STAG1: variants seen among roughly 807,000 people sequenced by gnomAD.
STAG1 encodes the protein cohesin subunit SA-1.
STAG1 carries 26 observed loss-of-function variants against 170.9 expected under a neutral mutation model. The ratio of observed to expected loss-of-function variants is 0.15; its 90% CI spans 0.11 to 0.21. The LOEUF (loss-of-function observed/expected upper bound fraction) is 0.21, where lower values mean the gene tolerates loss of function less well. Ranked by LOEUF, STAG1 falls within the 10% of genes least tolerant of loss-of-function variation. The probability of loss-of-function intolerance (pLI) is 1.00; values close to 1 mark genes in which losing one functional copy is unlikely to be tolerated. For synonymous variants in STAG1, 514 were observed against 497.7 expected, an observed-to-expected ratio of 1.03 and a Z score of -0.44; for missense variants, 964 against 1,509.5, an observed-to-expected ratio of 0.64 and a Z score of 5.99.
At chr3:136,726,804 CCTAA>C (rs1933714317) in intron 1 of STAG1, among the ~76,000 whole-genome samples, 1 of 152,134 alleles carries the variant, frequency 6.6e-6, no homozygotes, top group East Asian at 1.9e-4. Context: ...ATCTATGAGT[CCTAA>C]CTATCCCAAA....
At chr3:136,516,855 T>C (rs1934404774) in intron 7 of STAG1, among the ~76,000 whole-genome samples, 1 of 152,146 alleles carries the variant, frequency 6.6e-6, no homozygotes, top group South Asian at 2.1e-4. Context: ...TTGTCCAAGG[T>C]TATCCAACTA....
At chr3:136,361,187 C>T (rs1936850850) in intron 26 of STAG1, among the ~76,000 whole-genome samples, 1 of 152,152 alleles carries the variant, frequency 6.6e-6, no homozygotes, top group African/African-American at 2.4e-5. Context: ...AGACATATTA[C>T]TTTTACAGCT....
chr3:136,507,841 C>A (rs1258496018), intron 7 of STAG1, among the ~76,000 whole-genome samples: 1 of 152,052 alleles, frequency 6.6e-6, no homozygotes, highest in Non-Finnish European at 1.5e-5. Flanking sequence ...GTTTAGCTTT[C>A]TAAAATCACC....
rs371711194 is a variant in STAG1, at chr3:136,398,759, G to A, written c.2267C>T (p.Ser756Phe). The A allele has an allele frequency of 6.2e-7, 1 of 1,601,324 alleles. No homozygotes were observed. Among genetic ancestry groups the A allele is most frequent in the Middle Eastern group, 1.7e-4 (1 of 6,014 alleles). ...GAAACTCTTACTTACTTTGGAAGGA[G>A]AGCCATCAGTAATTTTCACCAACTG... ...LWQLVKITDG[S>F]PSKEDLLVLR... Residue 756 changes from serine (S) to phenylalanine (F), a missense_variant, in exon 22 of 34, where the codon TCT becomes TTT. Coordinates refer to ENST00000383202, the MANE Select transcript of STAG1 (RefSeq NM_005862.3).
intron 16 of STAG1, among the ~76,000 whole-genome samples, chr3:136,425,296 T>TA (rs958602536): frequency 2.0e-5 from 3 of 152,060 alleles, no homozygotes; most frequent in East Asian, 1.9e-4. Context: ...GATACACTGC[T>TA]AAAAAAAGAA....
chr3:136,676,502 G>A (rs1942132952), intron 1 of STAG1, among the ~76,000 whole-genome samples: 1 of 152,126 alleles, frequency 6.6e-6, no homozygotes, highest in Non-Finnish European at 1.5e-5. Flanking sequence ...CTAAAGTGAA[G>A]TGACTCAATC....
intron 1 of STAG1, among the ~76,000 whole-genome samples, chr3:136,654,188 A>G (rs961805765): frequency 6.6e-6 from 1 of 152,228 alleles, no homozygotes; most frequent in Non-Finnish European, 1.5e-5. Flanking sequence ...AATTGAAATG[A>G]AAGAAGTAAA....
intron 4 of STAG1, among the ~76,000 whole-genome samples, chr3:136,569,121 A>G (rs935571762): frequency 6.6e-6 from 1 of 152,140 alleles, no homozygotes; most frequent in Non-Finnish European, 1.5e-5. Flanking sequence ...CATTAAGTCC[A>G]ATAATTATTA....
chr3:136,577,841 G>T (rs1014509891), intron 4 of STAG1, among the ~76,000 whole-genome samples: 8 of 152,194 alleles, frequency 5.3e-5, no homozygotes, highest in Non-Finnish European at 1.2e-4. Flanking sequence ...CAAATTCATT[G>T]GTATCAGGCG....
chr3:136,550,492 A>G (rs571160175), intron 5 of STAG1, among the ~76,000 whole-genome samples: 19 of 152,100 alleles, frequency 1.2e-4, no homozygotes, highest in African/African-American at 4.1e-4. Flanking sequence ...TATTTTTAGT[A>G]GTGACAGGGT....
chr3:136,653,014 C>T (rs1941267863), intron 1 of STAG1, among the ~76,000 whole-genome samples: 1 of 152,132 alleles, frequency 6.6e-6, no homozygotes, highest in Non-Finnish European at 1.5e-5. Context: ...GTGGTTCACG[C>T]CTGTAATCCC....
chr3:136,601,033 G>T (rs892221124), intron 4 of STAG1, among the ~76,000 whole-genome samples: 1 of 151,220 alleles, frequency 6.6e-6, no homozygotes, highest in Non-Finnish European at 1.5e-5. Flanking sequence ...GCTAATTTTT[G>T]TATTTTTAGT....
At chr3:136,418,041 G>T in intron 20 of STAG1, 69 bp from the exon 21 acceptor site, 1 of 1,187,600 alleles carries the variant, frequency 8.4e-7, no homozygotes, top group Non-Finnish European at 1.2e-6. Context: ...GCTCAGTTCA[G>T]GTGAGTGGAA....
intron 1 of STAG1, among the ~76,000 whole-genome samples, chr3:136,679,264 T>C (rs1327860641): frequency 1.3e-5 from 2 of 152,020 alleles, no homozygotes; most frequent in Admixed American, 6.6e-5. Context: ...ATTTTACTCC[T>C]GGAAATCTAT....
intron 22 of STAG1, among the ~76,000 whole-genome samples, chr3:136,395,988 C>T (rs893735031): frequency 4.9e-4 from 75 of 152,292 alleles, no homozygotes; most frequent in Non-Finnish European, 3.2e-4. Flanking sequence ...ACTGCAACCT[C>T]TAGCTCCCAG....
chr3:136,340,519 T>G lies in STAG1; in HGVS notation c.3644A>C (p.Glu1215Ala). Residue 1215 changes from glutamate (E) to alanine (A), a missense_variant, in exon 32 of 34, where the codon GAA (glutamate) becomes GCA (alanine). Glu to Ala is a moderately radical substitution (Grantham distance 107). Transcript: ENST00000383202. The stretch of plus-strand genomic sequence containing the variant: ...ATCAATAACCATGGTGTCCTCAAAT[T>G]CTTCATTCATATCTTCTAACTGGCT... Reference protein sequence around the residue: ...SRSQLEDMNEEFEDTMVIDLP... With the variant: ...SRSQLEDMNEAFEDTMVIDLP... 1.2e-6 allele frequency: 2 copies of G among 1,612,828 alleles called. No individual in the cohort carries two copies. Among genetic ancestry groups the G allele is most frequent in the Non-Finnish European group, 1.7e-6 (2 of 1,178,812 alleles).
chr3:136,518,355 T>TA, intron 7 of STAG1: 1 of 700,950 alleles, frequency 1.4e-6, no homozygotes, highest in South Asian at 1.5e-5. Context: ...TCCATGCACA[T>TA]AGTCTTTGAA....
intron 1 of STAG1, among the ~76,000 whole-genome samples, chr3:136,735,463 G>A (rs1308552484): frequency 6.8e-6 from 1 of 146,842 alleles, no homozygotes; most frequent in Non-Finnish European, 1.5e-5. Flanking sequence ...TTGACGCAGG[G>A]TCTCATTTTG....
intron 12 of STAG1, among the ~76,000 whole-genome samples, chr3:136,471,009 G>A (rs990932907): frequency 1.3e-5 from 2 of 151,306 alleles, no homozygotes; most frequent in East Asian, 3.9e-4. Flanking sequence ...ATAGCATTAG[G>A]AGATATACCT....
Sources: gnomAD v4.1 joint callset for allele counts (sites outside exome capture counted in the v4.1 genomes callset) on GRCh38, gnomAD v4.1.1 for gene constraint, MANE v1.5 for transcripts, NCBI Gene and HGNC (gene_info 2026-07-23, HGNC 2026-07-21) for gene names.